The following KCNT2 variants were observed in gnomAD, a reference collection of about 807,000 sequenced individuals.
KCNT2 encodes potassium sodium-activated channel subfamily T member 2.
A neutral mutation model predicts 153.8 loss-of-function variants in KCNT2; 67 were observed. The ratio of observed to expected loss-of-function variants is 0.44; its 90% CI spans 0.36 to 0.53. The LOEUF (loss-of-function observed/expected upper bound fraction) is 0.53, where lower values mean the gene tolerates loss of function less well. Ranked by LOEUF, KCNT2 falls within the 20% of genes least tolerant of loss-of-function variation. The probability of loss-of-function intolerance (pLI) is 0.00; values close to 1 mark genes in which losing one functional copy is unlikely to be tolerated. For missense variants in KCNT2, 975 were observed against 1,354.8 expected (o/e 0.72, Z 4.40); for synonymous variants, 500 against 458.8 (o/e 1.09, Z -1.15).
At chr1:196,336,265 C>G (rs1250279537) in intron 16 of KCNT2, among the ~76,000 whole-genome samples, 1 of 152,014 alleles carries the variant, frequency 6.6e-6, no homozygotes, top group Non-Finnish European at 1.5e-5. Context: ...ACTCTCATGG[C>G]CACACCTTAG....
chr1:196,480,153 CTCTACAACCT>C (rs1678884467), intron 4 of KCNT2, among the ~76,000 whole-genome samples: 1 of 152,094 alleles, frequency 6.6e-6, no homozygotes, highest in South Asian at 2.1e-4. Context: ...GTGTTAAATA[CTCTACAACCT>C]TAGGATAGAT....
intron 14 of KCNT2, among the ~76,000 whole-genome samples, chr1:196,363,014 T>A (rs1352452556): frequency 1.3e-5 from 2 of 152,074 alleles, no homozygotes; most frequent in Non-Finnish European, 2.9e-5. Context: ...CTCCTCAAAC[T>A]TTCACCCCTA....
At chr1:196,349,905 T>G (rs1666496473) in intron 14 of KCNT2, among the ~76,000 whole-genome samples, 1 of 151,974 alleles carries the variant, frequency 6.6e-6, no homozygotes. Context: ...CCCCTTCCTG[T>G]GTCCATGTGT....
intron 26 of KCNT2, 190 bp downstream of exon 26, chr1:196,258,004 T>C (rs138708740): frequency 0.016 from 22,587 of 1,403,882 alleles, 262 homozygotes; most frequent in South Asian, 0.027. Flanking sequence ...CAGCAAACGC[T>C]GAAAATTTTT....
chr1:196,578,314 A>C (rs528438069), intron 1 of KCNT2, among the ~76,000 whole-genome samples: 3 of 152,252 alleles, frequency 2.0e-5, no homozygotes, highest in African/African-American at 7.2e-5. Flanking sequence ...AGACAACAAG[A>C]AGCACCTCAG....
chr1:196,412,374 G>A (rs1030990083), intron 12 of KCNT2, among the ~76,000 whole-genome samples: 3 of 151,404 alleles, frequency 2.0e-5, no homozygotes, highest in Non-Finnish European at 3.0e-5. Flanking sequence ...CCATGTTTGG[G>A]GTACAGAATA....
In KCNT2 at chr1:196,608,358, G is replaced by A. The variant is rs777564877; in HGVS notation, c.-49C>T. The A allele has an allele frequency of 6.8e-7, 1 of 1,464,432 alleles. No individual in the cohort carries two copies. Among genetic ancestry groups the A allele is most frequent in the Non-Finnish European group, 9.6e-7 (1 of 1,043,598 alleles). The allele number at this position is 1,464,432 out of a possible 1,614,324, so 90.7% of individuals were successfully genotyped here. ...TCAAACAACAAATGGAGGAGAGGAG[G>A]GAGAAAGAAAGAAAATATTGCGGAG... On this transcript the variant is annotated 5_prime_UTR_variant, in exon 1 of 28. Coordinates refer to ENST00000294725, the MANE Select transcript of KCNT2 (RefSeq NM_198503.5).
chr1:196,356,795 G>A (rs1276371352), intron 14 of KCNT2, among the ~76,000 whole-genome samples: 1 of 151,768 alleles, frequency 6.6e-6, no homozygotes, highest in African/African-American at 2.4e-5. Flanking sequence ...GCCAGATATA[G>A]GATATAAGGA....
chr1:196,372,573 A>C (rs1413770644), intron 14 of KCNT2, among the ~76,000 whole-genome samples: 1 of 151,964 alleles, frequency 6.6e-6, no homozygotes, highest in Non-Finnish European at 1.5e-5. Flanking sequence ...TAAACAAACA[A>C]GAATAAAAAA....
intron 12 of KCNT2, among the ~76,000 whole-genome samples, chr1:196,410,685 C>G (rs539270020): frequency 6.7e-6 from 1 of 148,208 alleles, no homozygotes; most frequent in South Asian, 2.1e-4. Context: ...GTGCTTACTA[C>G]GCAATAAAAT....
rs765147422 is a variant in KCNT2 at position 196,608,340 on chromosome 1, A to G, written c.-31T>C. ...CTCAAAGAGTGGGAAACATCAAACA[A>G]CAAATGGAGGAGAGGAGGGAGAAAG... is the stretch of plus-strand genomic sequence containing the variant. On this transcript the variant is annotated 5_prime_UTR_variant, in exon 1 of 28. Transcript: ENST00000294725. The G allele has an allele frequency of 9.1e-6, 14 of 1,531,002 alleles. No homozygotes were observed. Among genetic ancestry groups the G allele is most frequent in the Non-Finnish European group, 1.3e-5 (14 of 1,104,264 alleles). The allele number at this position is 1,531,002 out of a possible 1,614,324, so 94.8% of individuals were successfully genotyped here.
chr1:196,449,821 A>G (rs1340744850), intron 8 of KCNT2, among the ~76,000 whole-genome samples: 1 of 151,766 alleles, frequency 6.6e-6, no homozygotes, highest in Admixed American at 6.6e-5. Context: ...AAGAAAAAAG[A>G]ATAAAAAATG....
chr1:196,480,711 C>G (rs1017140392), intron 4 of KCNT2, among the ~76,000 whole-genome samples: 1 of 151,668 alleles, frequency 6.6e-6, no homozygotes, highest in African/African-American at 2.4e-5. Context: ...AAAAAAGTAG[C>G]CGGGCGTGGT....
intron 12 of KCNT2, among the ~76,000 whole-genome samples, chr1:196,410,122 T>C (rs557774645): frequency 5.3e-5 from 8 of 151,780 alleles, no homozygotes; most frequent in Admixed American, 4.0e-4. Context: ...ATTCAAGTCA[T>C]TTGCCCATTT....
intron 1 of KCNT2, among the ~76,000 whole-genome samples, chr1:196,522,905 C>T (rs976793022): frequency 1.3e-5 from 2 of 152,162 alleles, no homozygotes; most frequent in East Asian, 1.9e-4. Flanking sequence ...GTAAAATGCA[C>T]CAATCAGCAG....
chr1:196,304,779 A>G (rs1661477094), intron 22 of KCNT2, among the ~76,000 whole-genome samples: 1 of 152,164 alleles, frequency 6.6e-6, no homozygotes, highest in South Asian at 2.1e-4. Context: ...ATTAAATTAA[A>G]TTCCAGTTCT....
chr1:196,496,213 T>C (rs1189924327), intron 1 of KCNT2, among the ~76,000 whole-genome samples: 1 of 152,130 alleles, frequency 6.6e-6, no homozygotes, highest in African/African-American at 2.4e-5. Context: ...CTCACACCTG[T>C]AATCCCAGCA....
In KCNT2 at chr1:196,326,316, T is replaced by A. The variant is rs147359773; in HGVS notation, c.2276+401A>T. On this transcript the variant is annotated intron_variant, in intron 19 of 27. Coordinates refer to ENST00000294725, the MANE Select transcript of KCNT2 (RefSeq NM_198503.5). Reference sequence around the variant, plus strand: ...TTGTGTTATAACATATAAAAATGGATCAGTAAATGCTTCTCTGATAATTAA... The same window carrying A: ...TTGTGTTATAACATATAAAAATGGAACAGTAAATGCTTCTCTGATAATTAA... Among the ~76,000 whole-genome samples the A allele has an allele frequency of 1.2e-3, 182 of 152,064 alleles. 1 individual carries two copies. Among genetic ancestry groups the A allele is most frequent in the African/African-American group, 4.2e-3 (176 of 41,526 alleles).
intron 1 of KCNT2, among the ~76,000 whole-genome samples, chr1:196,568,897 G>C (rs1195201831): frequency 6.6e-6 from 1 of 151,980 alleles, no homozygotes; most frequent in African/African-American, 2.4e-5. Flanking sequence ...ATAGCTGTTG[G>C]TTCAAAGAAC....
Sources: gnomAD v4.1 joint callset for allele counts (sites outside exome capture counted in the v4.1 genomes callset) on GRCh38, gnomAD v4.1.1 for gene constraint, MANE v1.5 for transcripts, NCBI Gene and HGNC (gene_info 2026-07-23, HGNC 2026-07-21) for gene names.